The following TM9SF3 variants were observed in gnomAD, a reference collection of about 807,000 sequenced individuals.
TM9SF3 encodes the protein transmembrane 9 superfamily member 3, also known as SM-11044-binding protein.
Under a neutral mutation model 78.6 loss-of-function variants are expected in TM9SF3, and 14 were observed. The ratio of observed to expected loss-of-function variants is 0.18; its 90% CI spans 0.12 to 0.28. TM9SF3 has a LOEUF of 0.28. TM9SF3 is among the 10% of genes least tolerant of loss of function. The probability of loss-of-function intolerance (pLI) is 1.00; values close to 1 mark genes in which losing one functional copy is unlikely to be tolerated. For synonymous variants in TM9SF3, 231 were observed against 241.7 expected (o/e 0.96, Z 0.41); for missense variants, 496 against 721.9 (o/e 0.69, Z 3.59).
chr10:96,572,525 C>CTTTTTTT (rs35050136), intron 2 of TM9SF3, among the ~76,000 whole-genome samples: 1 of 131,528 alleles, frequency 7.6e-6, no homozygotes, highest in Admixed American at 7.8e-5. Context: ...AACGCATTTT[C>CTTTTTTT]TTTTTTTTTT....
Position 96,520,289 on chromosome 10 carries a change from T to C in TM9SF3, c.*1974A>G, listed in dbSNP as rs1847748286. 1 of 151,868 alleles carries C rather than the reference T, an allele frequency of 6.6e-6. No homozygotes were observed. Among genetic ancestry groups the C allele is most frequent in the Non-Finnish European group, 1.5e-5 (1 of 67,782 alleles). The allele number at this position is 151,868 out of a possible 1,614,324, so 9.4% of individuals were successfully genotyped here. On this transcript the variant is annotated 3_prime_UTR_variant, in exon 15 of 15. Transcript: ENST00000371142. ...AAGGAAGAGAAAATGGAAGTACCAA[T>C]AAATTATATTTAATATACCATTTTG... is the stretch of plus-strand genomic sequence containing the variant.
intron 9 of TM9SF3, among the ~76,000 whole-genome samples, chr10:96,535,456 T>G (rs143620676): frequency 1.3e-5 from 2 of 152,254 alleles, no homozygotes; most frequent in Non-Finnish European, 2.9e-5. Context: ...TAGATTTGTA[T>G]TCATCACAAC....
Position 96,586,822 on chromosome 10 carries a change from G to A in TM9SF3, c.14C>T (p.Pro5Leu), listed in dbSNP as rs545375633. Residue 5 changes from proline (P) to leucine (L), a missense_variant, in exon 1 of 15, where the codon CCT becomes CTT. Pro to Leu is a moderately conservative substitution (Grantham distance 98). This residue lies in a region of TM9SF3 where 58 missense variants were observed against 32.9 expected (regional missense o/e 1.76). Transcript: ENST00000371142. ...GGCCGCCGCCACGCCAAGAGCGCCA[G>A]GCAGCGGCCTCATCCTCCGCGCCCC... MRPL[P>L]GALGVAAAAA... 8,733 of 1,248,234 alleles carry A rather than the reference G, an allele frequency of 7.0e-3. 46 individuals are homozygous for A. The highest frequency in any genetic ancestry group is 9.8e-3 in the Middle Eastern group (32 of 3,252). 77.3% of individuals were successfully genotyped at this position (1,248,234 alleles called of 1,614,324 possible). A position where few individuals can be genotyped will look rare whatever the true frequency, so the allele number is the denominator to read the frequency against.
At position 96,559,650 on chromosome 10, in the gene TM9SF3, T is replaced by C; in HGVS notation, c.660+9A>G. ...ATAATCAATGTCTTAAAATACACTATTTACCTACCCGATGTTGAAAAAAGG... is the reference window on the plus strand; with the variant it reads ...ATAATCAATGTCTTAAAATACACTACTTACCTACCCGATGTTGAAAAAAGG... On this transcript the variant is annotated intron_variant, in intron 5 of 14. Coordinates refer to ENST00000371142, the MANE Select transcript of TM9SF3 (RefSeq NM_020123.4). 6.3e-7 allele frequency: 1 copy of C among 1,575,744 alleles called. No individual in the cohort carries two copies.
intron 1 of TM9SF3, 27 bp from the exon 2 acceptor site, chr10:96,576,856 TAAA>T: frequency 8.3e-7 from 1 of 1,211,240 alleles, no homozygotes. Flanking sequence ...AAACAAGAAT[TAAA>T]AAAAAAAAAC....
intron 14 of TM9SF3, among the ~76,000 whole-genome samples, chr10:96,525,168 A>G (rs1482961472): frequency 1.3e-5 from 2 of 151,970 alleles, no homozygotes; most frequent in African/African-American, 4.8e-5. Flanking sequence ...ATCAAGAAAA[A>G]TCTCAGATAA....
chr10:96,549,615 A>G (rs1848144198), intron 7 of TM9SF3, among the ~76,000 whole-genome samples: 1 of 152,182 alleles, frequency 6.6e-6, no homozygotes, highest in Admixed American at 6.5e-5. Context: ...CCACTTTTAT[A>G]TAATAATAAA....
chr10:96,570,592 C>CA (rs1848427730), intron 2 of TM9SF3, among the ~76,000 whole-genome samples: 1 of 152,144 alleles, frequency 6.6e-6, no homozygotes, highest in South Asian at 2.1e-4. Context: ...AACAGGACAA[C>CA]ATATTGTACC....
At chr10:96,560,132 A>G (rs1448582496) in intron 4 of TM9SF3, 1 of 713,040 alleles carries the variant, frequency 1.4e-6, no homozygotes, top group Non-Finnish European at 2.6e-6. Flanking sequence ...CTTGAGCAGA[A>G]GTCATTTATC....
At position 96,552,520 on chromosome 10, in the gene TM9SF3, TCTAA is replaced by T. The variant is rs373233558; in HGVS notation, c.792+404_792+407del. The stretch of plus-strand genomic sequence containing the variant: ...ACTCTATGTAACACACTTTTTGTTC[TCTAA>T]CTTAGTAAAAGAACTTAGAAAACAA... On this transcript the variant is annotated intron_variant, in intron 6 of 14. Coordinates refer to ENST00000371142, the MANE Select transcript of TM9SF3 (RefSeq NM_020123.4). Among the ~76,000 whole-genome samples the T allele has an allele frequency of 2.0e-4, 30 of 152,320 alleles. 1 individual carries two copies. Among genetic ancestry groups the T allele is most frequent in the Admixed American group, 5.9e-4 (9 of 15,290 alleles).
At chr10:96,555,570 C>T (rs1282081945) in intron 5 of TM9SF3, among the ~76,000 whole-genome samples, 1 of 152,110 alleles carries the variant, frequency 6.6e-6, no homozygotes, top group Non-Finnish European at 1.5e-5. Context: ...GCAGTCCAGG[C>T]TCTGTTATCC....
In TM9SF3 at chr10:96,519,643, G is replaced by A. The variant is rs1353708617; in HGVS notation, c.*2620C>T. 1 of 151,892 alleles carries A rather than the reference G, an allele frequency of 6.6e-6. No homozygotes were observed. Among genetic ancestry groups the A allele is most frequent in the Non-Finnish European group, 1.5e-5 (1 of 67,798 alleles). The allele number at this position is 151,892 out of a possible 1,614,324, so 9.4% of individuals were successfully genotyped here. A position where few individuals can be genotyped will look rare whatever the true frequency, so the allele number is the denominator to read the frequency against. The stretch of plus-strand genomic sequence containing the variant: ...AATTAAGCAAATAATGTTAACAAAC[G>A]AAAGACAGATACACAGCATTAGTGG... On this transcript the variant is annotated 3_prime_UTR_variant, in exon 15 of 15. Transcript: ENST00000371142.
At chr10:96,538,929 G>T (rs1437322111) in intron 9 of TM9SF3, among the ~76,000 whole-genome samples, 1 of 152,198 alleles carries the variant, frequency 6.6e-6, no homozygotes, top group Non-Finnish European at 1.5e-5. Context: ...AATGTAAAAT[G>T]TCAAAACTAT....
At chr10:96,584,232 A>G (rs1355717166) in intron 1 of TM9SF3, among the ~76,000 whole-genome samples, 1 of 152,092 alleles carries the variant, frequency 6.6e-6, no homozygotes, top group Non-Finnish European at 1.5e-5. Context: ...CCCCACACCA[A>G]TGTCTCCTCT....
chr10:96,534,426 CATT>C (rs1847931795), intron 9 of TM9SF3, among the ~76,000 whole-genome samples: 1 of 152,130 alleles, frequency 6.6e-6, no homozygotes, highest in Admixed American at 6.5e-5. Flanking sequence ...ATAGTTTAAG[CATT>C]ATGTTATGAA....
intron 2 of TM9SF3, among the ~76,000 whole-genome samples, chr10:96,571,892 G>T (rs1477792273): frequency 1.3e-5 from 2 of 152,190 alleles, no homozygotes; most frequent in East Asian, 3.8e-4. Context: ...CGGATGGGTG[G>T]TGATCTCTTC....
At chr10:96,561,006 TATC>T (rs1848301296) in intron 4 of TM9SF3, 30 of 400,346 alleles carry the variant, frequency 7.5e-5, no homozygotes, top group South Asian at 6.5e-4. Flanking sequence ...CCATACTGAG[TATC>T]ATCAACAATC....
intron 14 of TM9SF3, among the ~76,000 whole-genome samples, chr10:96,526,623 A>G (rs1188988030): frequency 2.0e-5 from 3 of 152,118 alleles, no homozygotes; most frequent in African/African-American, 7.2e-5. Flanking sequence ...ACTTTACAGA[A>G]GCTTAGAGAG....
intron 10 of TM9SF3, among the ~76,000 whole-genome samples, chr10:96,531,867 A>G (rs1327537040): frequency 6.6e-6 from 1 of 152,086 alleles, no homozygotes; most frequent in Non-Finnish European, 1.5e-5. Context: ...CCCAGTAAGG[A>G]TATTGATGGG....
Sources: gnomAD v4.1 joint callset for allele counts (sites outside exome capture counted in the v4.1 genomes callset) on GRCh38, gnomAD v4.1.1 for gene constraint, gnomAD v4.1.1 regional missense constraint, MANE v1.5 for transcripts, NCBI Gene and HGNC (gene_info 2026-07-23, HGNC 2026-07-21) for gene names.